AUTS2: variants seen among roughly 807,000 people sequenced by gnomAD.
The protein encoded by AUTS2 is activator of transcription and developmental regulator AUTS2, also known as autism susceptibility gene 2 protein.
AUTS2 carries 17 observed loss-of-function variants against 112.4 expected under a neutral mutation model. That is an observed-to-expected ratio of 0.15 (90% confidence interval 0.10 to 0.23). The LOEUF (loss-of-function observed/expected upper bound fraction) is 0.23, where lower values mean the gene tolerates loss of function less well. Ranked by LOEUF, AUTS2 falls within the 10% of genes least tolerant of loss-of-function variation. The pLI is 1.00. For synonymous variants in AUTS2, 751 were observed against 702.7 expected (o/e 1.07, Z -1.09); for missense variants, 1,510 against 1,701.6 (o/e 0.89, Z 1.98).
chr7:70,185,638 G>A (rs1809562027), intron 4 of AUTS2, among the ~76,000 whole-genome samples: 1 of 152,166 alleles, frequency 6.6e-6, no homozygotes, highest in Non-Finnish European at 1.5e-5. Context: ...CAGTCATGAA[G>A]CCATTTCTTT....
At chr7:69,783,381 G>A (rs1415303019) in intron 1 of AUTS2, among the ~76,000 whole-genome samples, 2 of 152,034 alleles carry the variant, frequency 1.3e-5, no homozygotes, top group Non-Finnish European at 2.9e-5. Flanking sequence ...TACTGAGCTG[G>A]ACACTGGCCA....
chr7:70,779,777 C>T (rs1188634696), intron 14 of AUTS2, among the ~76,000 whole-genome samples: 1 of 152,094 alleles, frequency 6.6e-6, no homozygotes, highest in Non-Finnish European at 1.5e-5. Context: ...CTCCTCTAAT[C>T]CAAGCACTTT....
chr7:69,759,211 T>C (rs1028898413), intron 1 of AUTS2, among the ~76,000 whole-genome samples: 27 of 152,048 alleles, frequency 1.8e-4, no homozygotes, highest in Admixed American at 1.7e-3. Context: ...GTTGAGTATC[T>C]CTTATCCGAA....
intron 1 of AUTS2, among the ~76,000 whole-genome samples, chr7:69,812,124 T>C (rs1188520127): frequency 2.0e-5 from 3 of 152,136 alleles, no homozygotes; most frequent in African/African-American, 7.2e-5. Context: ...GCCAGCCCTC[T>C]CCATAATAGT....
At chr7:70,256,275 G>T (rs888785014) in intron 4 of AUTS2, among the ~76,000 whole-genome samples, 1 of 152,164 alleles carries the variant, frequency 6.6e-6, no homozygotes, top group African/African-American at 2.4e-5. Context: ...AATTAGATTT[G>T]CAGTGTGTTG....
chr7:70,551,485 C>G (rs1801013358), intron 5 of AUTS2, among the ~76,000 whole-genome samples: 1 of 152,170 alleles, frequency 6.6e-6, no homozygotes, highest in South Asian at 2.1e-4. Context: ...CAGTCTTAAT[C>G]ATGAGAAAAG....
intron 4 of AUTS2, among the ~76,000 whole-genome samples, chr7:70,179,040 G>C (rs1258992610): frequency 6.6e-6 from 1 of 152,054 alleles, no homozygotes; most frequent in African/African-American, 2.4e-5. Flanking sequence ...CCCCACCTTT[G>C]GCTCAGCTGG....
intron 5 of AUTS2, among the ~76,000 whole-genome samples, chr7:70,632,996 G>GA (rs61590771): frequency 6.7e-6 from 1 of 149,636 alleles, no homozygotes; most frequent in South Asian, 2.1e-4. Flanking sequence ...ACCTTGGGGG[G>GA]AAAAAAAAAA....
chr7:70,039,449 G>GC (rs1484478112), intron 2 of AUTS2, among the ~76,000 whole-genome samples: 1 of 151,978 alleles, frequency 6.6e-6, no homozygotes, highest in Non-Finnish European at 1.5e-5. Context: ...TGCAACCTCT[G>GC]CCCCCTGGGT....
chr7:69,786,191 C>A (rs138892884), intron 1 of AUTS2, among the ~76,000 whole-genome samples: 1 of 152,028 alleles, frequency 6.6e-6, no homozygotes. Flanking sequence ...ATTGTAAATG[C>A]ACCAATCAGC....
intron 4 of AUTS2, among the ~76,000 whole-genome samples, chr7:70,142,328 T>C (rs938157213): frequency 3.3e-5 from 5 of 152,202 alleles, no homozygotes; most frequent in Non-Finnish European, 7.3e-5. Context: ...GACCTTAATT[T>C]CTAATATTTC....
chr7:70,239,357 T>C (rs772103522), intron 4 of AUTS2, among the ~76,000 whole-genome samples: 3 of 152,184 alleles, frequency 2.0e-5, no homozygotes, highest in Non-Finnish European at 4.4e-5. Context: ...TCAGAATTAA[T>C]TGATTAATTT....
chr7:70,210,266 C>A (rs950661140), intron 4 of AUTS2, among the ~76,000 whole-genome samples: 2 of 152,166 alleles, frequency 1.3e-5, no homozygotes, highest in Admixed American at 6.6e-5. Flanking sequence ...TTTCTCCTCA[C>A]GATTAGCATC....
chr7:70,647,662 T>C (rs544059427), intron 5 of AUTS2, among the ~76,000 whole-genome samples: 1 of 152,306 alleles, frequency 6.6e-6, no homozygotes, highest in African/African-American at 2.4e-5. Flanking sequence ...ACTTGCACTT[T>C]GGTAACCAGA....
At chr7:70,296,347 T>G (rs1430095581) in intron 4 of AUTS2, among the ~76,000 whole-genome samples, 3 of 152,258 alleles carry the variant, frequency 2.0e-5, no homozygotes, top group Non-Finnish European at 4.4e-5. Context: ...ATCATTTATA[T>G]TTAGTATAGT....
At chr7:70,486,541 GC>G (rs1356390967) in intron 5 of AUTS2, among the ~76,000 whole-genome samples, 1 of 152,122 alleles carries the variant, frequency 6.6e-6, no homozygotes, top group African/African-American at 2.4e-5. Context: ...TTCGAGACCA[GC>G]CTGACCAATA....
At chr7:70,343,556 A>C (rs1474800030) in intron 4 of AUTS2, among the ~76,000 whole-genome samples, 1 of 152,206 alleles carries the variant, frequency 6.6e-6, no homozygotes, top group Non-Finnish European at 1.5e-5. Context: ...TATATGATAA[A>C]TCTTCTGGAA....
chr7:69,955,306 C>T (rs1481814677), intron 2 of AUTS2, among the ~76,000 whole-genome samples: 1 of 152,146 alleles, frequency 6.6e-6, no homozygotes. Context: ...GATGCATAAA[C>T]CTCTGGACAG....
intron 4 of AUTS2, among the ~76,000 whole-genome samples, chr7:70,163,190 G>A (rs1044225663): frequency 3.3e-5 from 5 of 152,000 alleles, no homozygotes; most frequent in Admixed American, 2.6e-4. Context: ...GAATGGGACA[G>A]CATAGTTCAT....
Sources: gnomAD v4.1 joint callset for allele counts (sites outside exome capture counted in the v4.1 genomes callset) on GRCh38, gnomAD v4.1.1 for gene constraint, MANE v1.5 for transcripts, NCBI Gene and HGNC (gene_info 2026-07-23, HGNC 2026-07-21) for gene names.